Variants in FAM184A observed in about 807,000 individuals in gnomAD.
FAM184A encodes the protein protein FAM184A.
Under a neutral mutation model 143.8 loss-of-function variants are expected in FAM184A, and 99 were observed. The observed-to-expected ratio is 0.69, with a 90% CI of 0.58 to 0.81. FAM184A has a LOEUF of 0.81. Among genes scored for constraint, FAM184A ranks in the 40% least tolerant of loss-of-function variants. The pLI is 0.00. For synonymous variants in FAM184A, 427 were observed against 446.4 expected, an observed-to-expected ratio of 0.96 and a Z score of 0.55; for missense variants, 1,217 against 1,310.5, an observed-to-expected ratio of 0.93 and a Z score of 1.10.
At chr6:119,050,795 G>C (rs551471931) in intron 1 of FAM184A, among the ~76,000 whole-genome samples, 6 of 149,950 alleles carry the variant, frequency 4.0e-5, no homozygotes, top group Admixed American at 2.7e-4. Flanking sequence ...CTGGGCGACA[G>C]AGCGAGACTC....
chr6:119,090,286 A>G (rs1055439960), intron 1 of FAM184A, among the ~76,000 whole-genome samples: 1 of 152,214 alleles, frequency 6.6e-6, no homozygotes, highest in African/African-American at 2.4e-5. Context: ...CAAAGACGAA[A>G]GGCTAACACA....
chr6:119,103,665 A>C (rs1164780271), intron 1 of FAM184A, among the ~76,000 whole-genome samples: 2 of 151,754 alleles, frequency 1.3e-5, no homozygotes, highest in Admixed American at 1.3e-4. Context: ...CGGTGGCTCA[A>C]GCCTGTAATC....
chr6:119,106,969 T>C (rs1788803696), intron 1 of FAM184A, among the ~76,000 whole-genome samples: 1 of 152,244 alleles, frequency 6.6e-6, no homozygotes, highest in Non-Finnish European at 1.5e-5. Context: ...TTTGTTGCAC[T>C]AATTTATCCA....
intron 1 of FAM184A, among the ~76,000 whole-genome samples, chr6:119,028,163 A>G (rs1256167074): frequency 6.6e-6 from 1 of 152,196 alleles, no homozygotes; most frequent in Admixed American, 6.5e-5. Context: ...AGATTTGAGC[A>G]TTTAGCTGGC....
chr6:119,085,350 C>T (rs1788191150), intron 1 of FAM184A, among the ~76,000 whole-genome samples: 1 of 152,284 alleles, frequency 6.6e-6, no homozygotes. Context: ...GTTCAAAGTT[C>T]CACAGATCCC....
chr6:119,002,961 C>T lies in FAM184A; in HGVS notation c.2026G>A (p.Asp676Asn). Residue 676 changes from aspartate to asparagine, a missense_variant, in exon 9 of 18, where the codon GAT (aspartate) becomes AAT (asparagine). Asp to Asn is a conservative substitution (Grantham distance 23). Coordinates refer to ENST00000338891, the MANE Select transcript of FAM184A (RefSeq NM_024581.6). ...TCTCTTGCTGCATTTTTCTCTCGAT[C>T]TTTCAACTGCAAAAGTTGAGACATT... is the stretch of plus-strand genomic sequence containing the variant. ...SAMSQLLQLK[D>N]REKNAARDSW... The T allele has an allele frequency of 1.2e-6, 2 of 1,612,838 alleles. No individual in the cohort carries two copies. The highest frequency in any genetic ancestry group is 8.5e-7 in the Non-Finnish European group (1 of 1,179,582).
chr6:118,986,280 G>A (rs1029446971), intron 9 of FAM184A, among the ~76,000 whole-genome samples: 2 of 151,732 alleles, frequency 1.3e-5, no homozygotes, highest in Admixed American at 6.6e-5. Flanking sequence ...GCGACAGAGC[G>A]AGACTCCGTC....
chr6:119,140,543 A>G (rs1437802416), intron 1 of FAM184A, among the ~76,000 whole-genome samples: 1 of 152,160 alleles, frequency 6.6e-6, no homozygotes, highest in Non-Finnish European at 1.5e-5. Context: ...TTTCGGAACC[A>G]TGCTCTCCGC....
intron 11 of FAM184A, among the ~76,000 whole-genome samples, chr6:118,976,798 T>A (rs994154786): frequency 1.3e-5 from 2 of 152,178 alleles, no homozygotes; most frequent in Non-Finnish European, 2.9e-5. Flanking sequence ...TCTCATGATA[T>A]TGAAAAATGT....
At position 119,078,026 on chromosome 6, in the gene FAM184A, G is replaced by A. The variant is rs559435669; in HGVS notation, c.159+115C>T. 4.1e-5 allele frequency: 50 copies of A among 1,222,254 alleles called. No individual in the cohort carries two copies. The African/African-American group carries it at 7.4e-4, about 18-fold the overall frequency. 75.7% of individuals were successfully genotyped at this position (1,222,254 alleles called of 1,614,324 possible). On this transcript the variant is annotated intron_variant, in intron 1 of 17. Coordinates refer to ENST00000338891, the MANE Select transcript of FAM184A (RefSeq NM_024581.6). This position sits in a 1 kb window ranked among gnomAD's most constrained non-coding sequence, Gnocchi z 5.5. ...AGGTGTCTCCGGCTGTTGCTTCGGC[G>A]GAGGAGTAGAGTTCCCCTCGCTGCG... is the stretch of plus-strand genomic sequence containing the variant.
chr6:119,036,588 A>C (rs1786122898), intron 1 of FAM184A, among the ~76,000 whole-genome samples: 1 of 152,012 alleles, frequency 6.6e-6, no homozygotes, highest in Non-Finnish European at 1.5e-5. Flanking sequence ...TCAAACAGCA[A>C]GCAGAAGTCC....
chr6:118,982,974 G>A (rs1318965582), intron 9 of FAM184A, among the ~76,000 whole-genome samples: 1 of 151,908 alleles, frequency 6.6e-6, no homozygotes, highest in Non-Finnish European at 1.5e-5. Flanking sequence ...ATTAATCTTT[G>A]TATCTACACT....
At chr6:118,969,182 C>G (rs1027070563) in intron 14 of FAM184A, among the ~76,000 whole-genome samples, 2 of 152,140 alleles carry the variant, frequency 1.3e-5, no homozygotes, top group Non-Finnish European at 2.9e-5. Flanking sequence ...CTTCCCCTTC[C>G]GCCATGATTG....
chr6:118,960,037 A>G lies in FAM184A; in HGVS notation c.*66T>C, dbSNP rs1289282611. 7 of 1,310,168 alleles carry G rather than the reference A, an allele frequency of 5.3e-6. No individual in the cohort carries two copies. In the African/African-American group the frequency reaches 7.4e-5, roughly 14 times the overall value. 81.2% of individuals were successfully genotyped at this position (1,310,168 alleles called of 1,614,324 possible). A position where few individuals can be genotyped will look rare whatever the true frequency, so the allele number is the denominator to read the frequency against. On this transcript the variant is annotated 3_prime_UTR_variant, in exon 18 of 18. Transcript: ENST00000338891. ...GTTTGACATAGGAAAGCCTATTTAC[A>G]TAACAATCTGTATAAAGTCATGCTC...
At chr6:119,016,598 C>A (rs1246920640) in intron 5 of FAM184A, 149 bp downstream of exon 5, 3 of 648,898 alleles carry the variant, frequency 4.6e-6, no homozygotes, top group Non-Finnish European at 8.1e-6. Context: ...AGACTCCAGA[C>A]GCGCCACCTT....
intron 1 of FAM184A, among the ~76,000 whole-genome samples, chr6:119,073,484 C>T (rs962406685): frequency 2.0e-5 from 3 of 152,114 alleles, no homozygotes; most frequent in African/African-American, 7.2e-5. Flanking sequence ...AGAACATTCT[C>T]GAAAATGTCA....
At chr6:118,968,034 G>A (rs1783553347) in intron 14 of FAM184A, among the ~76,000 whole-genome samples, 1 of 152,096 alleles carries the variant, frequency 6.6e-6, no homozygotes, top group African/African-American at 2.4e-5. Context: ...TAACATATTA[G>A]GCCCTCTATC....
At chr6:119,003,406 C>T in intron 8 of FAM184A, 95 bp downstream of exon 8, 2 of 1,160,368 alleles carry the variant, frequency 1.7e-6, no homozygotes, top group Non-Finnish European at 2.4e-6. Flanking sequence ...TAAAATACTG[C>T]TACTATGTCT....
intron 1 of FAM184A, among the ~76,000 whole-genome samples, chr6:119,113,419 T>G (rs1788981226): frequency 6.6e-6 from 1 of 152,260 alleles, no homozygotes; most frequent in East Asian, 1.9e-4. Context: ...ATGTGGAGAC[T>G]TGCTTCCCAG....
Sources: gnomAD v4.1 joint callset for allele counts (sites outside exome capture counted in the v4.1 genomes callset) on GRCh38, gnomAD v4.1.1 for gene constraint, Gnocchi (gnomAD v3.1) non-coding constraint, MANE v1.5 for transcripts, NCBI Gene and HGNC (gene_info 2026-07-23, HGNC 2026-07-21) for gene names.